Variants in TBC1D19 observed in about 807,000 individuals in gnomAD.
TBC1D19 encodes TBC1 domain family member 19.
A neutral mutation model predicts 89.0 loss-of-function variants in TBC1D19; 60 were observed. The ratio of observed to expected loss-of-function variants is 0.67; its 90% CI spans 0.55 to 0.84. The LOEUF is 0.84. TBC1D19 is among the 40% of genes least tolerant of loss of function. The pLI, the probability that TBC1D19 is intolerant of heterozygous loss-of-function variation, is 0.00. For missense variants in TBC1D19, 500 were observed against 610.8 expected (o/e 0.82, Z 1.91); for synonymous variants, 189 against 199.7 (o/e 0.95, Z 0.45).
the TBC1D19 span, among the ~76,000 whole-genome samples, chr4:26,788,730 C>T: frequency 6.6e-6 from 1 of 152,164 alleles, no homozygotes; most frequent in Non-Finnish European, 1.5e-5. Flanking sequence ...TGCCACCAGC[C>T]CCTTCCCTCC....
intron 1 of TBC1D19, among the ~76,000 whole-genome samples, chr4:26,608,880 G>A (rs1012411054): frequency 5.9e-5 from 9 of 151,440 alleles, no homozygotes; most frequent in African/African-American, 1.9e-4. Context: ...ACATGCACAC[G>A]TATGTTTATT....
At position 26,672,451 on chromosome 4, in the gene TBC1D19, A is replaced by T. The variant is rs544227515; in HGVS notation, c.703+264A>T. On this transcript the variant is annotated intron_variant, in intron 10 of 20. Transcript: ENST00000264866. The stretch of plus-strand genomic sequence containing the variant: ...AAATGCAGACACATATTCCTCAGGG[A>T]TGTTAGCTTAATCCATTCGGCAGTA... Among the ~76,000 whole-genome samples, 3 of 152,066 alleles carry T rather than the reference A, an allele frequency of 2.0e-5. No homozygotes were observed. The South Asian group carries it at 6.2e-4, about 32-fold the overall frequency.
At chr4:26,850,599 G>C in the TBC1D19 span, among the ~76,000 whole-genome samples, 1 of 146,440 alleles carries the variant, frequency 6.8e-6, no homozygotes, top group Admixed American at 6.7e-5. Flanking sequence ...GGGAAATTTA[G>C]AGACAGACAT....
chr4:26,834,841 T>C, the TBC1D19 span, among the ~76,000 whole-genome samples: 1 of 152,190 alleles, frequency 6.6e-6, no homozygotes, highest in Non-Finnish European at 1.5e-5. Flanking sequence ...TTGATGATGC[T>C]CACATTTAGA....
At chr4:26,697,360 G>A (rs538672749) in intron 13 of TBC1D19, among the ~76,000 whole-genome samples, 3 of 152,264 alleles carry the variant, frequency 2.0e-5, no homozygotes, top group African/African-American at 7.2e-5. Context: ...TGGAATTGAG[G>A]CAATAAGTAA....
At chr4:26,641,686 G>C (rs868549568) in intron 7 of TBC1D19, among the ~76,000 whole-genome samples, 34 of 152,222 alleles carry the variant, frequency 2.2e-4, no homozygotes, top group South Asian at 1.2e-3. Flanking sequence ...CTTGAAAAAA[G>C]ATTAGACGAA....
intron 1 of TBC1D19, among the ~76,000 whole-genome samples, chr4:26,593,796 T>A (rs1024671398): frequency 1.6e-4 from 25 of 152,148 alleles, no homozygotes; most frequent in Admixed American, 1.2e-3. Flanking sequence ...TGAGATACCA[T>A]CTCACACCAG....
chr4:26,695,015 C>T (rs1009406742), intron 13 of TBC1D19, among the ~76,000 whole-genome samples: 33 of 152,220 alleles, frequency 2.2e-4, no homozygotes, highest in African/African-American at 7.7e-4. Flanking sequence ...TGCAGCTCCT[C>T]ACCAGCAACG....
chr4:26,614,745 T>C (rs1004433959), intron 3 of TBC1D19, among the ~76,000 whole-genome samples: 4 of 152,130 alleles, frequency 2.6e-5, no homozygotes, highest in Non-Finnish European at 4.4e-5. Flanking sequence ...GCAATGATCT[T>C]GGCTTAACTG....
the TBC1D19 span, among the ~76,000 whole-genome samples, chr4:26,764,021 T>A: frequency 6.6e-6 from 1 of 152,228 alleles, no homozygotes; most frequent in Non-Finnish European, 1.5e-5. Context: ...GCAATTTTGC[T>A]TCTTTCAAAT....
At chr4:26,800,637 T>C in the TBC1D19 span, among the ~76,000 whole-genome samples, 2 of 152,202 alleles carry the variant, frequency 1.3e-5, no homozygotes, top group African/African-American at 4.8e-5. Context: ...GTAAAAGTGT[T>C]CCTATTTCTC....
At chr4:26,830,821 C>G in the TBC1D19 span, among the ~76,000 whole-genome samples, 1 of 152,208 alleles carries the variant, frequency 6.6e-6, no homozygotes, top group African/African-American at 2.4e-5. Flanking sequence ...TATAGAGACT[C>G]ATCCTTCAGT....
chr4:26,767,700 C>T, the TBC1D19 span, among the ~76,000 whole-genome samples: 3 of 152,166 alleles, frequency 2.0e-5, no homozygotes, highest in African/African-American at 7.2e-5. Flanking sequence ...AAATAAATTT[C>T]TGTAGTTTAA....
intron 15 of TBC1D19, among the ~76,000 whole-genome samples, chr4:26,730,367 AG>A (rs1172392782): frequency 6.6e-6 from 1 of 152,206 alleles, no homozygotes; most frequent in African/African-American, 2.4e-5. Flanking sequence ...ACAATTCTTA[AG>A]TACTGCCTTT....
intron 4 of TBC1D19, among the ~76,000 whole-genome samples, chr4:26,628,888 TG>T (rs763810426): frequency 7.8e-4 from 119 of 152,130 alleles, no homozygotes; most frequent in Non-Finnish European, 1.4e-3. Context: ...GAACATTCCA[TG>T]CTCATGGGTA....
intron 7 of TBC1D19, among the ~76,000 whole-genome samples, chr4:26,652,903 C>T (rs938385285): frequency 3.3e-5 from 5 of 152,088 alleles, no homozygotes; most frequent in African/African-American, 9.7e-5. Flanking sequence ...TTCTTGCCTT[C>T]GGCTAGCTTT....
At chr4:26,794,578 A>C in the TBC1D19 span, among the ~76,000 whole-genome samples, 1 of 152,184 alleles carries the variant, frequency 6.6e-6, no homozygotes, top group Non-Finnish European at 1.5e-5. Context: ...TTAATCAGAA[A>C]AGAACTGGGA....
In TBC1D19 at chr4:26,628,718, GACAA is replaced by G. The variant is rs1370277338; in HGVS notation, c.294+8034_294+8037del. Among the ~76,000 whole-genome samples, 5 of 151,992 alleles carry G rather than the reference GACAA, an allele frequency of 3.3e-5. No homozygotes were observed. The East Asian group carries it at 9.7e-4, about 29-fold the overall frequency. ...CAAGCATTCTTATACACCAATAACAGACAAACAGAGAGCCAAATCATGAGTGAAC... is the reference window on the plus strand; with the variant it reads ...CAAGCATTCTTATACACCAATAACAGACAGAGAGCCAAATCATGAGTGAAC... On this transcript the variant is annotated intron_variant, in intron 4 of 20. Transcript: ENST00000264866.
intron 15 of TBC1D19, among the ~76,000 whole-genome samples, chr4:26,735,052 GTA>G (rs1717938951): frequency 2.0e-5 from 3 of 147,834 alleles, no homozygotes; most frequent in Admixed American, 6.7e-5. Context: ...GTACACACAT[GTA>G]TATATGTATA....
Sources: allele counts gnomAD v4.1 joint callset (sites outside exome capture counted in the v4.1 genomes callset), GRCh38; gene constraint gnomAD v4.1.1; transcripts MANE v1.5; gene names NCBI Gene and HGNC (gene_info 2026-07-23, HGNC 2026-07-21).